Variants in LIPK observed in about 807,000 individuals in gnomAD.
The protein encoded by LIPK is lipase member K.
LIPK carries 32 observed loss-of-function variants against 48.6 expected under a neutral mutation model. That is an observed-to-expected ratio of 0.66 (90% CI 0.50 to 0.88). LIPK has a LOEUF of 0.88. Among genes scored for constraint, LIPK ranks in the 40% least tolerant of loss-of-function variants. The probability of loss-of-function intolerance (pLI) is 0.00; values close to 1 mark genes in which losing one functional copy is unlikely to be tolerated. For missense variants in LIPK, 507 were observed against 478.5 expected (o/e 1.06, Z -0.56); for synonymous variants, 164 against 157.4 (o/e 1.04, Z -0.32).
intron 4 of LIPK, 26 bp downstream of exon 4, chr10:88,731,207 A>C: frequency 2.7e-6 from 4 of 1,472,870 alleles, no homozygotes; most frequent in Admixed American, 5.6e-5. Context: ...TTAATGAATA[A>C]AATGTGTACT....
rs183646380 is a variant in LIPK at position 88,713,032 on chromosome 10, A to C, written c.-12+6712A>C. On this transcript the variant is annotated intron_variant, in intron 1 of 9. Coordinates refer to ENST00000404190, the MANE Select transcript of LIPK (RefSeq NM_001080518.2). ...TATGCATCCTGGTAGTCATTTAAAG[A>C]AATGAAATACATGGGATACTCCATC... is the stretch of plus-strand genomic sequence containing the variant. 2.2e-4 allele frequency among the ~76,000 whole-genome samples: 33 copies of C among 152,342 alleles called. 1 individual carries two copies. Among genetic ancestry groups the C allele is most frequent in the East Asian group, 1.3e-3 (7 of 5,194 alleles).
intron 3 of LIPK, 30 bp downstream of exon 3, chr10:88,726,942 A>G: frequency 7.6e-7 from 1 of 1,313,236 alleles, no homozygotes; most frequent in Non-Finnish European, 1.1e-6. Context: ...GAAAGGAAAA[A>G]TACTTAAAGC....
At chr10:88,728,317 G>A in intron 3 of LIPK, 1 of 179,612 alleles carries the variant, frequency 5.6e-6, no homozygotes, top group South Asian at 1.1e-4. Context: ...GCCGCAGCTG[G>A]GCCAAGGCCG....
intron 8 of LIPK, among the ~76,000 whole-genome samples, chr10:88,741,813 A>G (rs1316577305): frequency 1.3e-5 from 2 of 152,198 alleles, no homozygotes; most frequent in African/African-American, 4.8e-5. Flanking sequence ...CATTTCACAA[A>G]TATCTTGCCT....
At chr10:88,737,805 G>C (rs774141273) in intron 7 of LIPK, 24 bp downstream of exon 7, 1 of 1,611,038 alleles carries the variant, frequency 6.2e-7, no homozygotes, top group Non-Finnish European at 8.5e-7. Flanking sequence ...ATTGGGTCTG[G>C]GAAAACATTT....
chr10:88,726,712 C>T (rs1842349241), intron 2 of LIPK, 83 bp from the exon 3 acceptor site: 1 of 744,590 alleles, frequency 1.3e-6, no homozygotes, highest in African/African-American at 1.8e-5. Flanking sequence ...AACAAACAGA[C>T]AAATAAAGTA....
At chr10:88,718,347 T>TTA (rs1343266477) in intron 1 of LIPK, among the ~76,000 whole-genome samples, 1 of 148,498 alleles carries the variant, frequency 6.7e-6, no homozygotes, top group Non-Finnish European at 1.5e-5. Flanking sequence ...GATGAAAATT[T>TTA]TATATATATA....
chr10:88,750,021 GA>G (rs1842837835), intron 9 of LIPK, among the ~76,000 whole-genome samples: 1 of 152,104 alleles, frequency 6.6e-6, no homozygotes, highest in Non-Finnish European at 1.5e-5. Flanking sequence ...CTTCTCAAAA[GA>G]AGACATACAT....
At chr10:88,731,527 G>T (rs1564983517) in intron 4 of LIPK, among the ~76,000 whole-genome samples, 1 of 152,212 alleles carries the variant, frequency 6.6e-6, no homozygotes, top group Non-Finnish European at 1.5e-5. Flanking sequence ...CAGAAGCCAC[G>T]CCTACCCGGT....
chr10:88,708,141 G>A (rs1027689661), intron 1 of LIPK, among the ~76,000 whole-genome samples: 2 of 152,150 alleles, frequency 1.3e-5, no homozygotes, highest in African/African-American at 2.4e-5. Context: ...CTGCTGAAAT[G>A]ATTATTACAA....
At chr10:88,748,828 A>T (rs1842816159) in intron 9 of LIPK, among the ~76,000 whole-genome samples, 2 of 152,146 alleles carry the variant, frequency 1.3e-5, no homozygotes, top group Admixed American at 1.3e-4. Context: ...ATGGCATTCG[A>T]ATAGGAAGAG....
chr10:88,724,622 G>T lies in LIPK; in HGVS notation c.79G>T (p.Ala27Ser). 6.2e-7 allele frequency: 1 copy of T among 1,603,880 alleles called. No individual in the cohort carries two copies. The highest frequency in any genetic ancestry group is 8.5e-7 in the Non-Finnish European group (1 of 1,176,362). The change falls in exon 2 of 10, where the codon GCA (alanine) becomes TCA (serine). Residue 27 changes from alanine (A) to serine (S), a missense_variant. By Grantham distance (99) the Ala-to-Ser change is moderately conservative (BLOSUM62 1). Coordinates refer to ENST00000404190, the MANE Select transcript of LIPK (RefSeq NM_001080518.2). Reference protein sequence around the residue: ...MYGYDKKGNNANPEANMNISQ... With the variant: ...MYGYDKKGNNSNPEANMNISQ... Reference sequence around the variant, plus strand: ...TGGTTATGACAAGAAAGGAAACAATGCAAACCCTGAAGCTAATATGAATAT... The same window carrying T: ...TGGTTATGACAAGAAAGGAAACAATTCAAACCCTGAAGCTAATATGAATAT...
intron 1 of LIPK, among the ~76,000 whole-genome samples, chr10:88,714,787 G>T (rs1842086773): frequency 6.6e-6 from 1 of 151,844 alleles, no homozygotes; most frequent in Admixed American, 6.6e-5. Context: ...TTTTGTTAGG[G>T]TTACTTGATT....
At chr10:88,751,917 T>C (rs1842870039) in intron 9 of LIPK, among the ~76,000 whole-genome samples, 1 of 152,168 alleles carries the variant, frequency 6.6e-6, no homozygotes, top group African/African-American at 2.4e-5. Context: ...GAGGACGAAT[T>C]GGCCAGACCT....
chr10:88,719,630 C>T (rs948859388), intron 1 of LIPK, among the ~76,000 whole-genome samples: 3 of 152,162 alleles, frequency 2.0e-5, no homozygotes, highest in Non-Finnish European at 4.4e-5. Flanking sequence ...TAAGAGTTTT[C>T]CAAACTTAGA....
chr10:88,745,368 A>G (rs1280612999), intron 9 of LIPK, among the ~76,000 whole-genome samples: 5 of 152,162 alleles, frequency 3.3e-5, no homozygotes, highest in Non-Finnish European at 5.9e-5. Flanking sequence ...AAAAATATTA[A>G]AGGCAGCTAG....
intron 1 of LIPK, among the ~76,000 whole-genome samples, chr10:88,724,021 C>T (rs190538766): frequency 1.1e-4 from 16 of 152,080 alleles, no homozygotes; most frequent in African/African-American, 1.7e-4. Flanking sequence ...TTTATATACA[C>T]GTCATTTTTC....
At chr10:88,723,699 C>T (rs1021659146) in intron 1 of LIPK, among the ~76,000 whole-genome samples, 3 of 151,664 alleles carry the variant, frequency 2.0e-5, no homozygotes, top group Non-Finnish European at 2.9e-5. Context: ...GTGTGAAAAA[C>T]ACTTTAAAAA....
chr10:88,726,662 C>T, intron 2 of LIPK, 133 bp from the exon 3 acceptor site: 1 of 619,616 alleles, frequency 1.6e-6, no homozygotes, highest in Non-Finnish European at 2.9e-6. Flanking sequence ...CCACTGCACT[C>T]CAGCCCAGGG....
Sources: gnomAD v4.1 joint callset for allele counts (sites outside exome capture counted in the v4.1 genomes callset) on GRCh38, gnomAD v4.1.1 for gene constraint, MANE v1.5 for transcripts, NCBI Gene and HGNC (gene_info 2026-07-23, HGNC 2026-07-21) for gene names.